The following PEX5L variants were observed in gnomAD, a reference collection of about 807,000 sequenced individuals.
The protein encoded by PEX5L is peroxisomal biogenesis factor 5 like.
A neutral mutation model predicts 84.0 loss-of-function variants in PEX5L; 30 were observed. That is an observed-to-expected ratio of 0.36 (90% confidence interval 0.27 to 0.48). The LOEUF (loss-of-function observed/expected upper bound fraction) is 0.48, where lower values mean the gene tolerates loss of function less well. Ranked by LOEUF, PEX5L falls within the 20% of genes least tolerant of loss-of-function variation. The pLI is 0.99. For synonymous variants in PEX5L, 270 were observed against 283.1 expected (o/e 0.95, Z 0.46); for missense variants, 533 against 754.6 (o/e 0.71, Z 3.44).
chr3:179,823,323 C>T lies in PEX5L; in HGVS notation c.823-3347G>A, dbSNP rs557047301. Reference sequence around the variant, plus strand: ...GTAAAACCTCTATAATGGACTGTTACGCAGCAATTAAAATGATGTTTATGA... The same window carrying T: ...GTAAAACCTCTATAATGGACTGTTATGCAGCAATTAAAATGATGTTTATGA... On this transcript the variant is annotated intron_variant, in intron 8 of 14. Coordinates refer to ENST00000467460, the MANE Select transcript of PEX5L (RefSeq NM_016559.3). 5.3e-4 allele frequency among the ~76,000 whole-genome samples: 80 copies of T among 152,128 alleles called. 2 individuals carry two copies. Among genetic ancestry groups the T allele is most frequent in the Middle Eastern group, 3.4e-3 (1 of 294 alleles).
At chr3:179,919,260 T>A (rs1437772855) in intron 2 of PEX5L, among the ~76,000 whole-genome samples, 1 of 152,172 alleles carries the variant, frequency 6.6e-6, no homozygotes, top group African/African-American at 2.4e-5. Flanking sequence ...GTGGCAGTGG[T>A]GAGATTTGAA....
chr3:180,004,586 TTTTTG>T (rs929976326), intron 1 of PEX5L, among the ~76,000 whole-genome samples: 7 of 152,238 alleles, frequency 4.6e-5, no homozygotes, highest in South Asian at 4.1e-4. Flanking sequence ...TAATTTATTG[TTTTTG>T]TTTTGTTTTG....
rs1752054856 is a variant in PEX5L at position 179,875,476 on chromosome 3, G to A, written c.507C>T (p.Asp169=). 1 of 1,582,224 alleles carries A rather than the reference G, an allele frequency of 6.3e-7. No individual in the cohort carries two copies. Among genetic ancestry groups the A allele is most frequent in the Admixed American group, 1.7e-5 (1 of 58,966 alleles). The change falls in exon 6 of 15, where the codon GAC becomes GAT. Residue 169 remains aspartate, a splice_region_variant and synonymous_variant. Coordinates refer to ENST00000467460, the MANE Select transcript of PEX5L (RefSeq NM_016559.3). ...CCCATTTTTCCAGTTGTGTTTGAAT[G>A]TCTAGTAAGTACAGAGGAAGCAGGT... is the stretch of plus-strand genomic sequence containing the variant. The part of the protein sequence containing the change: ...RVPETSSLDL[D]IQTQLEKWDD...
intron 7 of PEX5L, among the ~76,000 whole-genome samples, chr3:179,863,960 G>T (rs1747215026): frequency 6.6e-6 from 1 of 152,082 alleles, no homozygotes; most frequent in Non-Finnish European, 1.5e-5. Flanking sequence ...TTATGATAGT[G>T]AATAAGTCTC....
intron 14 of PEX5L, 66 bp downstream of exon 14, chr3:179,807,608 C>A: frequency 6.8e-7 from 1 of 1,480,096 alleles, no homozygotes; most frequent in South Asian, 1.2e-5. Context: ...TTGGAAACAA[C>A]CTTTCAGATT....
chr3:179,899,486 G>C (rs1760548608), intron 2 of PEX5L, among the ~76,000 whole-genome samples: 1 of 152,064 alleles, frequency 6.6e-6, no homozygotes, highest in Admixed American at 6.6e-5. Context: ...TATTAACTCA[G>C]AACTTAATAA....
chr3:179,876,592 C>T (rs1237251505), intron 5 of PEX5L, among the ~76,000 whole-genome samples: 3 of 151,954 alleles, frequency 2.0e-5, no homozygotes, highest in Non-Finnish European at 4.4e-5. Context: ...AACAAATTGA[C>T]CACTTAAACC....
chr3:179,989,524 C>T lies in PEX5L; in HGVS notation c.22-17859G>A, dbSNP rs950922828. On this transcript the variant is annotated intron_variant, in intron 1 of 14. Transcript: ENST00000467460. ...ATTTATACATTATATTCCTACCATACTAGCTATGTTATGAGATGCTTAAAA... is the reference window on the plus strand; with the variant it reads ...ATTTATACATTATATTCCTACCATATTAGCTATGTTATGAGATGCTTAAAA... Among the ~76,000 whole-genome samples the T allele has an allele frequency of 5.3e-5, 8 of 152,256 alleles. 1 individual carries two copies. In the South Asian group the frequency reaches 6.2e-4, roughly 12 times the overall value.
chr3:179,986,527 C>A (rs924351128), intron 1 of PEX5L, among the ~76,000 whole-genome samples: 2 of 151,686 alleles, frequency 1.3e-5, no homozygotes, highest in East Asian at 1.9e-4. Flanking sequence ...CTCAGCCTCC[C>A]GAGTAGCTGG....
At chr3:180,014,749 G>T (rs1362425923) in intron 1 of PEX5L, among the ~76,000 whole-genome samples, 1 of 151,980 alleles carries the variant, frequency 6.6e-6, no homozygotes, top group Non-Finnish European at 1.5e-5. Flanking sequence ...AATAAGGCAA[G>T]TCTCTTTCCA....
rs112518257 is a variant in PEX5L at position 179,893,063 on chromosome 3, C to A, written c.198+5079G>T. 3.9e-4 allele frequency among the ~76,000 whole-genome samples: 60 copies of A among 152,238 alleles called. 1 individual carries two copies. Among genetic ancestry groups the A allele is most frequent in the African/African-American group, 1.3e-3 (55 of 41,560 alleles). On this transcript the variant is annotated intron_variant, in intron 3 of 14. Coordinates refer to ENST00000467460, the MANE Select transcript of PEX5L (RefSeq NM_016559.3). ...ATAGGTGAGAACTTGCATGTAGGGG[C>A]TTGTTGTCAATCAGAATGCAAAAGA...
chr3:179,963,536 A>G (rs973022843), intron 2 of PEX5L, among the ~76,000 whole-genome samples: 11 of 152,044 alleles, frequency 7.2e-5, no homozygotes, highest in African/African-American at 2.7e-4. Context: ...AGCACATAGG[A>G]CTCTTCCTGG....
intron 7 of PEX5L, among the ~76,000 whole-genome samples, chr3:179,863,934 C>G (rs376792216): frequency 3.4e-4 from 51 of 152,172 alleles, no homozygotes; most frequent in African/African-American, 1.2e-3. Flanking sequence ...GGGGGCAGGT[C>G]TTTCCTGTGC....
chr3:179,856,386 AT>A (rs34899396), intron 8 of PEX5L, among the ~76,000 whole-genome samples: 143,172 of 152,294 alleles, frequency 0.94, 67,394 homozygotes, highest in East Asian at 1. Flanking sequence ...ATATGATATA[AT>A]TTTAGTTAAA....
At chr3:179,840,096 G>A (rs1736489787) in intron 8 of PEX5L, among the ~76,000 whole-genome samples, 1 of 151,800 alleles carries the variant, frequency 6.6e-6, no homozygotes, top group African/African-American at 2.4e-5. Flanking sequence ...CAGGTCCCAT[G>A]GGCCATAAGT....
chr3:179,977,872 C>T (rs1483766836), intron 1 of PEX5L, among the ~76,000 whole-genome samples: 1 of 152,130 alleles, frequency 6.6e-6, no homozygotes, highest in African/African-American at 2.4e-5. Context: ...ATGGGCTTTT[C>T]CCCCCTCTCT....
intron 3 of PEX5L, among the ~76,000 whole-genome samples, chr3:179,892,048 A>G (rs1289489294): frequency 6.6e-6 from 1 of 152,154 alleles, no homozygotes; most frequent in African/African-American, 2.4e-5. Flanking sequence ...TATTGATGTT[A>G]TACAAATAAT....
rs145655221 is a variant in PEX5L, at chr3:179,820,351, T to A, written c.823-375A>T. ...AGAATTAGAGCAACTGCTTTGGGAC[T>A]GGCTGAGCAGTGACTTGGGAGGACA... On this transcript the variant is annotated intron_variant, in intron 8 of 14. Transcript: ENST00000467460. 3.6e-5 allele frequency: 7 copies of A among 193,264 alleles called. No homozygotes were observed. In the East Asian group the frequency reaches 9.4e-4, roughly 26 times the overall value. 12.0% of individuals were successfully genotyped at this position (193,264 alleles called of 1,614,324 possible).
Position 179,795,157 on chromosome 3 carries a change from A to T in PEX5L, c.*6671T>A, listed in dbSNP as rs2108576367. The T allele has an allele frequency of 6.6e-6, 1 of 152,352 alleles. No homozygotes were observed. Among genetic ancestry groups the T allele is most frequent in the Admixed American group, 6.5e-5 (1 of 15,310 alleles). 9.4% of individuals were successfully genotyped at this position (152,352 alleles called of 1,614,324 possible). On this transcript the variant is annotated 3_prime_UTR_variant, in exon 15 of 15. Coordinates refer to ENST00000467460, the MANE Select transcript of PEX5L (RefSeq NM_016559.3). ...ATATTTAATAAAAGGACCTTTAGCC[A>T]GTAGTACAAATTGGATTCCATTTGA...
Sources: gnomAD v4.1 joint callset for allele counts (sites outside exome capture counted in the v4.1 genomes callset) on GRCh38, gnomAD v4.1.1 for gene constraint, MANE v1.5 for transcripts, NCBI Gene and HGNC (gene_info 2026-07-23, HGNC 2026-07-21) for gene names.